Variants in SHANK2 observed in about 807,000 individuals in gnomAD.
The protein encoded by SHANK2 is SH3 and multiple ankyrin repeat domains 2.
SHANK2 carries 43 observed loss-of-function variants against 133.7 expected under a neutral mutation model. That is an observed-to-expected ratio of 0.32 (90% CI 0.25 to 0.41). SHANK2 has a LOEUF of 0.41. Among genes scored for constraint, SHANK2 ranks in the 10% least tolerant of loss-of-function variants. The pLI is 1.00. For missense variants in SHANK2, 1,994 were observed against 2,235.8 expected (o/e 0.89, Z 2.18); for synonymous variants, 1,017 against 952.8 (o/e 1.07, Z -1.24).
At chr11:71,235,878 T>A (rs1455548511) in intron 1 of SHANK2, among the ~76,000 whole-genome samples, 8 of 152,216 alleles carry the variant, frequency 5.3e-5, no homozygotes, top group Non-Finnish European at 1.2e-4. Flanking sequence ...CACATGTGTG[T>A]GTACACCATC....
At chr11:70,618,785 G>C (rs905872521) in intron 17 of SHANK2, among the ~76,000 whole-genome samples, 2 of 152,174 alleles carry the variant, frequency 1.3e-5, no homozygotes, top group Non-Finnish European at 2.9e-5. Context: ...AAATAAACCT[G>C]AGCTTGGAAA....
chr11:71,185,011 C>T (rs190477073), intron 2 of SHANK2, among the ~76,000 whole-genome samples: 32 of 152,296 alleles, frequency 2.1e-4, no homozygotes, highest in Middle Eastern at 6.8e-3. Context: ...ACAGCTGTCC[C>T]GTCTGTACCC....
At chr11:71,124,186 TGGTG>T in intron 3 of SHANK2, among the ~76,000 whole-genome samples, 1 of 9,226 alleles carries the variant, frequency 1.1e-4, no homozygotes, top group Admixed American at 1.2e-3. Context: ...ATGGTGATGA[TGGTG>T]ATGGTGATGA....
At chr11:70,911,016 C>T (rs951997414) in intron 10 of SHANK2, 16 of 456,972 alleles carry the variant, frequency 3.5e-5, no homozygotes, top group African/African-American at 1.8e-4. Context: ...TTTGCAGAAA[C>T]GAAGGGGGTG....
intron 17 of SHANK2, among the ~76,000 whole-genome samples, chr11:70,658,478 A>T (rs2134254705): frequency 6.6e-6 from 1 of 152,264 alleles, no homozygotes; most frequent in South Asian, 2.1e-4. Flanking sequence ...AACACACAAG[A>T]ACCCAAATAA....
chr11:70,500,547 G>A lies in SHANK2; in HGVS notation c.2308+23C>T, dbSNP rs782324595. The A allele has an allele frequency of 3.8e-6, 6 of 1,599,092 alleles. 1 individual carries two copies. In the Admixed American group the frequency reaches 1.0e-4, roughly 28 times the overall value. ...AGGGGGGTGATGGGCAGGGGGCTGAGACAGACACTGGGCCTCCCTTACCCT... is the reference window on the plus strand; with the variant it reads ...AGGGGGGTGATGGGCAGGGGGCTGAAACAGACACTGGGCCTCCCTTACCCT... On this transcript the variant is annotated intron_variant, in intron 21 of 25. Coordinates refer to ENST00000601538, the MANE Select transcript of SHANK2 (RefSeq NM_012309.5). This position sits in a 1 kb window ranked among gnomAD's most constrained non-coding sequence, Gnocchi z 4.5.
In SHANK2 at chr11:70,486,862, G is replaced by A; in HGVS notation, c.3431C>T (p.Pro1144Leu). Residue 1144 changes from proline (P) to leucine (L), a missense_variant, in exon 25 of 26, where the codon CCC becomes CTC. This residue lies in a region of SHANK2 where 797 missense variants were observed against 907.4 expected (regional missense o/e 0.88). Transcript: ENST00000601538. This position sits in a 1 kb window ranked among gnomAD's most constrained non-coding sequence, Gnocchi z 8.0. ...CTCCCTGGGCGTGGCACTCGGCATG[G>A]GGGATGACAGCTGCTCAGCGCTGTC... ...DEDSAEQLSS[P>L]MPSATPREPE... 1 of 1,612,750 alleles carries A rather than the reference G, an allele frequency of 6.2e-7. No homozygotes were observed. Among genetic ancestry groups the A allele is most frequent in the Non-Finnish European group, 8.5e-7 (1 of 1,179,930 alleles).
intron 15 of SHANK2, among the ~76,000 whole-genome samples, chr11:70,662,818 C>CGGTGCCCTGCTCAGTGAGCCTCCAGGCT (rs1944595148): frequency 1.3e-5 from 2 of 152,192 alleles, no homozygotes; most frequent in Non-Finnish European, 2.9e-5. Context: ...GTGTGTGGGA[C>CGGTGCCCTGCTCAGTGAGCCTCCAGGCT]GGTGCCCTGC....
intron 5 of SHANK2, 48 bp from the exon 6 acceptor site, chr11:71,110,097 C>A: frequency 7.4e-7 from 1 of 1,348,344 alleles, no homozygotes; most frequent in South Asian, 1.3e-5. Context: ...AGAAATGTCC[C>A]AACCTGAGCA....
At chr11:70,489,147 T>TG (rs2058851931) in intron 24 of SHANK2, 181 bp downstream of exon 24, 1 of 651,926 alleles carries the variant, frequency 1.5e-6, no homozygotes, top group Non-Finnish European at 2.8e-6. Context: ...AACATACTCC[T>TG]TGTGGGAGGA....
intron 10 of SHANK2, among the ~76,000 whole-genome samples, chr11:70,953,789 C>A (rs550201148): frequency 6.6e-6 from 1 of 152,290 alleles, no homozygotes; most frequent in East Asian, 1.9e-4. Flanking sequence ...ACCATCCCTG[C>A]GGGCATCCCT....
intron 2 of SHANK2, among the ~76,000 whole-genome samples, chr11:71,182,036 G>C (rs1174338612): frequency 1.3e-5 from 2 of 152,124 alleles, no homozygotes; most frequent in Non-Finnish European, 1.5e-5. Flanking sequence ...ATAGAGGATG[G>C]CTGTGATGAC....
intron 10 of SHANK2, among the ~76,000 whole-genome samples, chr11:70,906,254 C>T (rs917756075): frequency 1.3e-5 from 2 of 152,230 alleles, no homozygotes; most frequent in Admixed American, 6.5e-5. Context: ...GCAGCACATG[C>T]GAATGCTCTT....
intron 9 of SHANK2, among the ~76,000 whole-genome samples, chr11:71,060,729 A>C (rs1950977202): frequency 6.6e-6 from 1 of 152,224 alleles, no homozygotes; most frequent in African/African-American, 2.4e-5. Context: ...ACAACACTGC[A>C]GATGGAGGCT....
chr11:70,715,234 G>A (rs1565263612), intron 14 of SHANK2, among the ~76,000 whole-genome samples: 1 of 152,224 alleles, frequency 6.6e-6, no homozygotes. Context: ...GGTTCTTGGA[G>A]GAAGGACCCT....
At chr11:70,637,633 C>T (rs1038702433) in intron 17 of SHANK2, among the ~76,000 whole-genome samples, 6 of 152,320 alleles carry the variant, frequency 3.9e-5, no homozygotes, top group South Asian at 2.1e-4. Flanking sequence ...TCAGGAAGGC[C>T]GGGGCACAAA....
At chr11:70,525,994 C>A in intron 17 of SHANK2, among the ~76,000 whole-genome samples, 1 of 115,712 alleles carries the variant, frequency 8.6e-6, no homozygotes, top group Non-Finnish European at 1.7e-5. Flanking sequence ...ATACTCTGCC[C>A]CCACCCCCCA....
intron 2 of SHANK2, among the ~76,000 whole-genome samples, chr11:71,206,374 C>T (rs1274227700): frequency 6.6e-6 from 1 of 152,194 alleles, no homozygotes; most frequent in Non-Finnish European, 1.5e-5. Context: ...GCCAACTCTT[C>T]CCTCTGAAAA....
chr11:70,953,937 C>T (rs1322132812), intron 10 of SHANK2, among the ~76,000 whole-genome samples: 1 of 152,184 alleles, frequency 6.6e-6, no homozygotes, highest in Admixed American at 6.5e-5. Context: ...TGTGGACTGA[C>T]AGGCACGTGC....
Sources: allele counts gnomAD v4.1 joint callset (sites outside exome capture counted in the v4.1 genomes callset), GRCh38; gene constraint gnomAD v4.1.1; regional missense constraint gnomAD v4.1.1; non-coding constraint Gnocchi (gnomAD v3.1); transcripts MANE v1.5; gene names NCBI Gene and HGNC (gene_info 2026-07-23, HGNC 2026-07-21).